The following JAK1 variants were observed in gnomAD, a reference collection of about 807,000 sequenced individuals.
The protein encoded by JAK1 is Janus kinase 1.
A neutral mutation model predicts 136.6 loss-of-function variants in JAK1; 16 were observed. The observed-to-expected ratio is 0.12, with a 90% CI of 0.08 to 0.18. The LOEUF is 0.18. JAK1 is among the 10% of genes least tolerant of loss of function. JAK1 has a pLI of 1.00. For synonymous variants in JAK1, 492 were observed against 519.5 expected (o/e 0.95, Z 0.72); for missense variants, 859 against 1,450.1 (o/e 0.59, Z 6.62).
At chr1:64,850,974 G>A (rs990822666) in intron 11 of JAK1, 64 bp from the exon 12 acceptor site, 40 of 1,136,598 alleles carry the variant, frequency 3.5e-5, no homozygotes, top group Admixed American at 7.1e-5. Flanking sequence ...GACAGCCAAC[G>A]TCTGCTGAGC....
At chr1:64,923,052 T>C (rs186139377) in intron 1 of JAK1, among the ~76,000 whole-genome samples, 1 of 152,346 alleles carries the variant, frequency 6.6e-6, no homozygotes, top group East Asian at 1.9e-4. Context: ...CTGTGGATAA[T>C]AATAACTTGG....
Position 64,873,452 on chromosome 1 carries a change from T to C in JAK1, c.401A>G (p.Gln134Arg), listed in dbSNP as rs1557653544. ...CTTTTTTTTCTCGTAGCCATTTTTC[T>C]GCTTCTTTGGAGAATGACGCCACAC... ...QSVWRHSPKK[Q>R]KNGYEKKKIP... The change falls in exon 5 of 25, where the codon CAG (glutamine) becomes CGG (arginine). Residue 134 changes from glutamine (Q) to arginine (R), a missense_variant. Physicochemically the swap from Gln to Arg is conservative, Grantham distance 43. This residue lies in a region of JAK1 where 353 missense variants were observed against 494.0 expected (regional missense o/e 0.71). Coordinates refer to ENST00000342505, the MANE Select transcript of JAK1 (RefSeq NM_002227.4). The C allele has an allele frequency of 2.5e-6, 4 of 1,614,234 alleles. No homozygotes were observed. The highest frequency in any genetic ancestry group is 3.4e-6 in the Non-Finnish European group (4 of 1,180,034).
At chr1:64,933,637 A>G (rs574776149) in intron 1 of JAK1, among the ~76,000 whole-genome samples, 1 of 152,290 alleles carries the variant, frequency 6.6e-6, no homozygotes, top group Non-Finnish European at 1.5e-5. Flanking sequence ...TGCCCTTCTC[A>G]TGCTGTACTA....
intron 2 of JAK1, among the ~76,000 whole-genome samples, chr1:65,037,605 T>C (rs1415637332): frequency 6.6e-6 from 1 of 152,182 alleles, no homozygotes; most frequent in Non-Finnish European, 1.5e-5. Flanking sequence ...AGCTCTCTGC[T>C]CTCTAATATA....
upstream of JAK1, among the ~76,000 whole-genome samples, chr1:64,967,355 C>T (rs1646403944): frequency 1.3e-5 from 2 of 152,192 alleles, no homozygotes; most frequent in Admixed American, 6.5e-5. Flanking sequence ...CATCTCTCAC[C>T]TGAAGGGACC....
intron 1 of JAK1, among the ~76,000 whole-genome samples, chr1:64,903,019 T>C (rs577072639): frequency 6.6e-6 from 1 of 152,260 alleles, no homozygotes; most frequent in South Asian, 2.1e-4. Flanking sequence ...ATATGGATGC[T>C]GCCAACATGG....
chr1:64,951,868 T>C (rs2935416), intron 1 of JAK1, among the ~76,000 whole-genome samples: 9,582 of 152,004 alleles, frequency 0.063, 449 homozygotes, highest in South Asian at 0.11. Flanking sequence ...CCGTGTTAGC[T>C]AGGATGGTCT....
chr1:65,052,037 C>A (rs1401415157), intron 1 of JAK1, among the ~76,000 whole-genome samples: 1 of 151,766 alleles, frequency 6.6e-6, no homozygotes, highest in Non-Finnish European at 1.5e-5. Flanking sequence ...CTCACTGCAG[C>A]ATCAAACTCC....
rs1570701650 is a variant in JAK1 at position 64,883,376 on chromosome 1, C to T, written c.106G>A (p.Val36Met). 7 of 1,614,192 alleles carry T rather than the reference C, an allele frequency of 4.3e-6. No individual in the cohort carries two copies. In the Admixed American group the frequency reaches 1.0e-4, roughly 23 times the overall value. Reference sequence around the variant, plus strand: ...TCCGACAGATAGAAGATCACTTCCACCCCTGGCTCAGGGGCCTCCAGGTTC... The same window carrying T: ...TCCGACAGATAGAAGATCACTTCCATCCCTGGCTCAGGGGCCTCCAGGTTC... ...EVNLEAPEPGVEVIFYLSDRE... is the reference protein window; with the variant it reads ...EVNLEAPEPGMEVIFYLSDRE... Residue 36 changes from valine to methionine, a missense_variant, in exon 3 of 25, where the codon GTG becomes ATG. Physicochemically the swap from Val to Met is conservative, Grantham distance 21 (BLOSUM62 1). Transcript: ENST00000342505.
At chr1:64,890,881 T>C (rs934095593) in intron 1 of JAK1, among the ~76,000 whole-genome samples, 1 of 152,162 alleles carries the variant, frequency 6.6e-6, no homozygotes, top group Non-Finnish European at 1.5e-5. Context: ...GCTGGAGTCA[T>C]TGCAACCTGG....
At chr1:64,978,157 A>C (rs528709794) in intron 2 of JAK1, among the ~76,000 whole-genome samples, 104 of 152,264 alleles carry the variant, frequency 6.8e-4, no homozygotes, top group African/African-American at 2.0e-3. Context: ...GCGCGCCTGT[A>C]GTCCCAGCTA....
intron 1 of JAK1, among the ~76,000 whole-genome samples, chr1:64,922,063 C>G (rs962819836): frequency 3.3e-5 from 5 of 151,874 alleles, no homozygotes; most frequent in African/African-American, 1.2e-4. Context: ...TCCTGAGACA[C>G]AGGGCTTGCA....
At chr1:64,838,944 G>A (rs1654677498) in intron 20 of JAK1, among the ~76,000 whole-genome samples, 1 of 151,684 alleles carries the variant, frequency 6.6e-6, no homozygotes, top group Non-Finnish European at 1.5e-5. Flanking sequence ...AGGAGATCGA[G>A]ACCATCCTGG....
At chr1:64,930,311 AAAC>A (rs59027141) in intron 1 of JAK1, among the ~76,000 whole-genome samples, 31,649 of 151,958 alleles carry the variant, frequency 0.21, 3,934 homozygotes, top group East Asian at 0.53. Flanking sequence ...TATAAGGAAA[AAAC>A]AACCCCATCA....
chr1:64,928,794 A>AAAAAAAAAAAAAAAAAAAAAAAAAC (rs1645634466), intron 1 of JAK1, among the ~76,000 whole-genome samples: 1 of 122,508 alleles, frequency 8.2e-6, no homozygotes, highest in Non-Finnish European at 1.6e-5. Context: ...AAAAAAAAAA[A>AAAAAAAAAAAAAAAAAAAAAAAAAC]AACAAAAAAA....
chr1:65,025,119 A>C (rs1646967760), intron 2 of JAK1, among the ~76,000 whole-genome samples: 1 of 152,182 alleles, frequency 6.6e-6, no homozygotes, highest in African/African-American at 2.4e-5. Flanking sequence ...ACGTTCTTCC[A>C]GGTTCAGGCC....
At chr1:64,969,407 C>T (rs961110184), upstream of JAK1, among the ~76,000 whole-genome samples, 6 of 149,064 alleles carry the variant, frequency 4.0e-5, no homozygotes, top group Non-Finnish European at 8.9e-5. Context: ...CATCACACCC[C>T]CCCGCAACTC....
intron 1 of JAK1, among the ~76,000 whole-genome samples, chr1:65,051,106 CATTT>C (rs1647271196): frequency 6.6e-6 from 1 of 151,904 alleles, no homozygotes; most frequent in Non-Finnish European, 1.5e-5. Context: ...AGGGGATAAG[CATTT>C]ATTTAACAGT....
rs2101001316 is a variant in JAK1 at position 64,845,585 on chromosome 1, C to G, written c.2043G>C (p.Arg681=). 6.2e-7 allele frequency: 1 copy of G among 1,614,178 alleles called. No individual in the cohort carries two copies. Among genetic ancestry groups the G allele is most frequent in the Non-Finnish European group, 8.5e-7 (1 of 1,180,018 alleles). The change falls in exon 15 of 25, where the codon CGG becomes CGC. Residue 681 remains arginine (R), a synonymous_variant. Coordinates refer to ENST00000342505, the MANE Select transcript of JAK1 (RefSeq NM_002227.4). ...ATGGTGTGGTAAGGACATCGCTTTT[C>G]CGGTGCATGAAGAGATCCAGAGGAC... ...EGGPLDLFMH[R]KSDVLTTPWK...
Sources: allele counts gnomAD v4.1 joint callset (sites outside exome capture counted in the v4.1 genomes callset), GRCh38; gene constraint gnomAD v4.1.1; regional missense constraint gnomAD v4.1.1; transcripts MANE v1.5; gene names NCBI Gene and HGNC (gene_info 2026-07-23, HGNC 2026-07-21).